Variants in MGAM observed in about 807,000 individuals in gnomAD.
The protein encoded by MGAM is maltase-glucoamylase, also known as alpha-1,4-glucosidase.
A neutral mutation model predicts 358.8 loss-of-function variants in MGAM; 253 were observed. The ratio of observed to expected loss-of-function variants is 0.71; its 90% CI spans 0.64 to 0.78. MGAM has a LOEUF of 0.78. MGAM is among the 30% of genes least tolerant of loss of function. MGAM has a pLI of 0.00. For synonymous variants in MGAM, 1,105 were observed against 1,227.1 expected (o/e 0.90, Z 2.08); for missense variants, 3,080 against 3,432.6 (o/e 0.90, Z 2.57).
At chr7:142,045,366 AAT>A (rs574130200) in intron 21 of MGAM, among the ~76,000 whole-genome samples, 6 of 105,734 alleles carry the variant, frequency 5.7e-5, no homozygotes, top group African/African-American at 2.2e-4. Flanking sequence ...CATGATATAT[AAT>A]ATATATTATA....
chr7:142,100,905 C>T lies in MGAM; in HGVS notation c.7963+15C>T, dbSNP rs1364171404. The T allele has an allele frequency of 6.2e-7, 1 of 1,609,346 alleles. No homozygotes were observed. The highest frequency in any genetic ancestry group is 8.5e-7 in the Non-Finnish European group (1 of 1,177,220). On this transcript the variant is annotated intron_variant, in intron 68 of 70. Coordinates refer to ENST00000475668, the MANE Select transcript of MGAM (RefSeq NM_001365693.1). ...GCAAAGCATTGGTGAGTAGAGGTTG[C>T]CTGAGATTCATGCTGATGGCACTGA...
chr7:142,058,157 G>A (rs143793831), intron 30 of MGAM, 46 bp from the exon 31 acceptor site: 170 of 1,611,704 alleles, frequency 1.1e-4, no homozygotes, highest in Non-Finnish European at 1.4e-4. Flanking sequence ...AAACTTCAAT[G>A]TGGTGCCTCT....
chr7:142,040,900 T>C, intron 21 of MGAM, 54 bp downstream of exon 21: 2 of 1,537,454 alleles, frequency 1.3e-6, no homozygotes, highest in South Asian at 2.5e-5. Flanking sequence ...TTAAACCCTT[T>C]GAATTTCTTT....
At chr7:142,037,805 T>C (rs1808122612) in intron 18 of MGAM, among the ~76,000 whole-genome samples, 1 of 152,164 alleles carries the variant, frequency 6.6e-6, no homozygotes, top group African/African-American at 2.4e-5. Flanking sequence ...ATGGGGTATA[T>C]GAGATGTTTT....
At chr7:142,041,975 TATATATAATATA>T (rs1366852357) in intron 21 of MGAM, among the ~76,000 whole-genome samples, 1 of 23,656 alleles carries the variant, frequency 4.2e-5, no homozygotes, top group Non-Finnish European at 7.8e-5. Flanking sequence ...ATATATTATA[TATATATAATATA>T]ATATATATAT....
Position 142,063,556 on chromosome 7 carries a change from G to A in MGAM, c.4315G>A (p.Ala1439Thr), listed in dbSNP as rs1471303137. Residue 1439 changes from alanine (A) to threonine (T), a missense_variant, in exon 36 of 71, where the codon GCC (alanine) becomes ACC (threonine). Ala to Thr is a moderately conservative substitution (Grantham distance 58, BLOSUM62 0). Transcript: ENST00000475668. Reference sequence around the variant, plus strand: ...GGCAGTTTCTCCAGGCTGCAGGGACGCCTCTCTGAACCACCCTCCCTACAT... The same window carrying A: ...GGCAGTTTCTCCAGGCTGCAGGGACACCTCTCTGAACCACCCTCCCTACAT... ...NGAVSPGCRD[A>T]SLNHPPYMPH... 9 of 1,613,600 alleles carry A rather than the reference G, an allele frequency of 5.6e-6. No homozygotes were observed. Among genetic ancestry groups the A allele is most frequent in the South Asian group, 1.1e-5 (1 of 91,000 alleles).
rs770979666 is a variant in MGAM, at chr7:142,038,564, C to T, written c.2265C>T (p.His755=). 19 of 1,611,370 alleles carry T rather than the reference C, an allele frequency of 1.2e-5. No individual in the cohort carries two copies. In the South Asian group the frequency reaches 1.9e-4, roughly 16 times the overall value. ...FYEDNSTWDV[H]QQFLWGPGLL... is the part of the protein sequence containing the mutation. The stretch of plus-strand genomic sequence containing the variant: ...AGGACAACAGCACTTGGGATGTGCA[C>T]CAACAGTTCTTATGGGGGCCCGGCC... The change falls in exon 19 of 71, where the codon CAC becomes CAT. Residue 755 remains histidine, a synonymous_variant. Coordinates refer to ENST00000475668, the MANE Select transcript of MGAM (RefSeq NM_001365693.1).
chr7:142,096,677 G>A (rs559177300), intron 65 of MGAM, among the ~76,000 whole-genome samples: 4 of 152,050 alleles, frequency 2.6e-5, no homozygotes, highest in Admixed American at 6.6e-5. Flanking sequence ...TGACACAATC[G>A]TTTCTTCGTT....
intron 22 of MGAM, among the ~76,000 whole-genome samples, chr7:142,049,812 A>T: frequency 6.6e-6 from 1 of 152,316 alleles, no homozygotes. Flanking sequence ...GCTGGCGAGG[A>T]TGTGGAGAAA....
intron 7 of MGAM, among the ~76,000 whole-genome samples, chr7:142,024,512 A>T (rs73153953): frequency 0.029 from 4,427 of 152,264 alleles, 107 homozygotes; most frequent in Admixed American, 0.076. Context: ...ATAGTTATCA[A>T]ATGTGACTAC....
In MGAM at chr7:142,077,830, AATG is replaced by A. The variant is rs1449168131; in HGVS notation, c.5494-487_5494-485del. 5.5e-5 allele frequency among the ~76,000 whole-genome samples: 8 copies of A among 145,726 alleles called. 2 individuals are homozygous for A. Among genetic ancestry groups the A allele is most frequent in the Non-Finnish European group, 1.1e-4 (7 of 64,368 alleles). ...AATCATTTGTCCAATATACTACATA[AATG>A]CGAGCATGATAACCAGGTCATATGA... On this transcript the variant is annotated intron_variant, in intron 47 of 70. Coordinates refer to ENST00000475668, the MANE Select transcript of MGAM (RefSeq NM_001365693.1).
intron 21 of MGAM, among the ~76,000 whole-genome samples, chr7:142,041,630 A>G (rs1055365161): frequency 5.9e-5 from 9 of 151,336 alleles, no homozygotes; most frequent in African/African-American, 1.9e-4. Context: ...TAACAACTCT[A>G]TCTCCTGCCA....
chr7:142,044,483 AT>A lies in MGAM; in HGVS notation c.2499-3300del, dbSNP rs1224901134. On this transcript the variant is annotated intron_variant, in intron 21 of 70. Coordinates refer to ENST00000475668, the MANE Select transcript of MGAM (RefSeq NM_001365693.1). The stretch of plus-strand genomic sequence containing the variant: ...ATACGATATATGATATATAATGTAT[AT>A]TATATACACTTACGATATATGATAT... Among the ~76,000 whole-genome samples, 31 of 135,400 alleles carry A rather than the reference AT, an allele frequency of 2.3e-4. 4 individuals are homozygous for A. The East Asian group carries it at 4.7e-3, about 21-fold the overall frequency. The allele number at this position is 135,400 out of a possible 152,430, so 88.8% of individuals were successfully genotyped here.
intron 54 of MGAM, among the ~76,000 whole-genome samples, chr7:142,084,855 C>T (rs555123728): frequency 6.8e-6 from 1 of 146,622 alleles, no homozygotes. Flanking sequence ...CTGTGATTTC[C>T]CAGAGGGGGA....
Position 142,076,749 on chromosome 7 carries a change from C to T in MGAM, c.5416C>T (p.Pro1806Ser). The change falls in exon 47 of 71, where the codon CCT (proline) becomes TCT (serine). Residue 1806 changes from proline (P) to serine (S), a missense_variant. Coordinates refer to ENST00000475668, the MANE Select transcript of MGAM (RefSeq NM_001365693.1). ...GATTAAAATTCTTGGGATGGAGGAA[C>T]CTAGCAATGTTACGGTGAAACACAA... ...NEIKILGMEE[P>S]SNVTVKHNGV... 6.4e-7 allele frequency: 1 copy of T among 1,554,148 alleles called. No homozygotes were observed. Among genetic ancestry groups the T allele is most frequent in the Non-Finnish European group, 8.8e-7 (1 of 1,130,618 alleles).
rs572376026 is a variant in MGAM, at chr7:142,080,773, C to T, written c.5848-18C>T. ...CAAGAGTAGTATTCTTGCCTAAAAT[C>T]GTTTTCCTCTGGCCTAGATTTATGA... On this transcript the variant is annotated intron_variant, in intron 49 of 70. Coordinates refer to ENST00000475668, the MANE Select transcript of MGAM (RefSeq NM_001365693.1). The T allele has an allele frequency of 3.2e-5, 49 of 1,540,104 alleles. 6 individuals carry two copies. Among genetic ancestry groups the T allele is most frequent in the African/African-American group, 1.6e-4 (12 of 74,504 alleles).
Position 142,068,609 on chromosome 7 carries a change from T to C in MGAM, c.5005-38T>C. The C allele has an allele frequency of 1.4e-6, 2 of 1,426,982 alleles. 1 individual carries two copies. Among genetic ancestry groups the C allele is most frequent in the Non-Finnish European group, 2.0e-6 (2 of 1,018,016 alleles). The allele number at this position is 1,426,982 out of a possible 1,614,324, so 88.4% of individuals were successfully genotyped here. A position where few individuals can be genotyped will look rare whatever the true frequency, so the allele number is the denominator to read the frequency against. ...AGTTTGGTTACTCTGTCCTGGAAAA[T>C]GGTGGCACTGCCTCACCTTGTTTGT... is the stretch of plus-strand genomic sequence containing the variant. On this transcript the variant is annotated intron_variant, in intron 42 of 70. Transcript: ENST00000475668.
chr7:142,104,494 A>T (rs2129068718), intron 70 of MGAM, among the ~76,000 whole-genome samples: 1 of 152,368 alleles, frequency 6.6e-6, no homozygotes, highest in East Asian at 1.9e-4. Context: ...TTGGTGATTC[A>T]GCATTTTATA....
chr7:142,089,781 C>T lies in MGAM; in HGVS notation c.6811-2132C>T, dbSNP rs575500970. 1.9e-4 allele frequency among the ~76,000 whole-genome samples: 27 copies of T among 144,796 alleles called. 4 individuals carry two copies. The highest frequency in any genetic ancestry group is 4.9e-4 in the Admixed American group (7 of 14,432). 95.0% of individuals were successfully genotyped at this position (144,796 alleles called of 152,430 possible). The stretch of plus-strand genomic sequence containing the variant: ...CAGCCTGGGTGACACAGCGAGACTC[C>T]GTCTCAGAAGAAAAAAAAAGGAAGG... On this transcript the variant is annotated intron_variant, in intron 57 of 70. Coordinates refer to ENST00000475668, the MANE Select transcript of MGAM (RefSeq NM_001365693.1).
Sources: gnomAD v4.1 joint callset for allele counts (sites outside exome capture counted in the v4.1 genomes callset) on GRCh38, gnomAD v4.1.1 for gene constraint, MANE v1.5 for transcripts, NCBI Gene and HGNC (gene_info 2026-07-23, HGNC 2026-07-21) for gene names.